SUPT3H: variants seen among roughly 807,000 people sequenced by gnomAD.
The protein encoded by SUPT3H is SPT3 homolog, SAGA and STAGA complex component, also known as transcription initiation protein SPT3 homolog.
In SUPT3H, 44 loss-of-function variants were observed where a neutral mutation model predicts 44.3. The observed-to-expected ratio is 0.99, with a 90% confidence interval of 0.78 to 1.28. SUPT3H has a LOEUF of 1.28. Ranked by LOEUF, SUPT3H falls within the 50% of genes most tolerant of loss-of-function variation. The pLI, the probability that SUPT3H is intolerant of heterozygous loss-of-function variation, is 0.00. For missense variants in SUPT3H, 380 were observed against 387.1 expected (o/e 0.98, Z 0.15); for synonymous variants, 124 against 125.6 (o/e 0.99, Z 0.09).
chr6:44,931,341 C>T (rs867126134), intron 10 of SUPT3H, among the ~76,000 whole-genome samples: 17 of 152,024 alleles, frequency 1.1e-4, no homozygotes, highest in Middle Eastern at 3.4e-3. Context: ...TGACTGTTTT[C>T]GATGGATTTG....
At chr6:45,297,758 T>C (rs1343474696) in intron 2 of SUPT3H, among the ~76,000 whole-genome samples, 1 of 152,178 alleles carries the variant, frequency 6.6e-6, no homozygotes, top group Non-Finnish European at 1.5e-5. Flanking sequence ...AAAATTTTAA[T>C]ACTTTAGGCT....
intron 10 of SUPT3H, among the ~76,000 whole-genome samples, chr6:44,876,836 G>GAAAAAAAAAAAAAAAAAA (rs200454659): frequency 1.1e-5 from 1 of 92,244 alleles, no homozygotes; most frequent in Admixed American, 1.1e-4. Flanking sequence ...ATCTTCAATT[G>GAAAAAAAAAAAAAAAAAA]AAAAAAAAAA....
At chr6:44,811,390 C>T (rs1766510832) in intron 11 of SUPT3H, among the ~76,000 whole-genome samples, 1 of 152,168 alleles carries the variant, frequency 6.6e-6, no homozygotes, top group Non-Finnish European at 1.5e-5. Flanking sequence ...TTGCTGTTGA[C>T]TTTATTTGGA....
chr6:44,969,632 C>T lies in SUPT3H; in HGVS notation c.505-7804G>A, dbSNP rs187063111. Among the ~76,000 whole-genome samples, 17 of 152,224 alleles carry T rather than the reference C, an allele frequency of 1.1e-4. No homozygotes were observed. The East Asian group carries it at 1.7e-3, about 16-fold the overall frequency. On this transcript the variant is annotated intron_variant, in intron 6 of 10. Transcript: ENST00000371459. Reference sequence around the variant, plus strand: ...CAAAAAACAAAAACACACATACGCACACAAAGGAGAACGTCATGCAATATT... The same window carrying T: ...CAAAAAACAAAAACACACATACGCATACAAAGGAGAACGTCATGCAATATT...
chr6:45,314,522 A>G (rs896262863), intron 2 of SUPT3H, among the ~76,000 whole-genome samples: 2 of 152,074 alleles, frequency 1.3e-5, no homozygotes, highest in Non-Finnish European at 2.9e-5. Context: ...GAAATCAATA[A>G]CTCAATCCCT....
intron 2 of SUPT3H, among the ~76,000 whole-genome samples, chr6:45,311,774 A>AT (rs1783995174): frequency 1.3e-5 from 2 of 152,218 alleles, no homozygotes; most frequent in Admixed American, 6.5e-5. Context: ...AGAATTCACC[A>AT]TTACCAAGCA....
intron 2 of SUPT3H, among the ~76,000 whole-genome samples, chr6:45,323,124 G>A (rs1785780814): frequency 1.3e-5 from 2 of 152,050 alleles, no homozygotes; most frequent in South Asian, 2.1e-4. Context: ...TGCTCAGAGG[G>A]GAATCCTTCA....
intron 2 of SUPT3H, among the ~76,000 whole-genome samples, chr6:45,331,471 T>A (rs567137327): frequency 6.6e-6 from 1 of 152,024 alleles, no homozygotes; most frequent in Non-Finnish European, 1.5e-5. Flanking sequence ...AGCTTCTTTT[T>A]AAAATACAGA....
chr6:45,085,250 G>A (rs1291276507), intron 3 of SUPT3H, among the ~76,000 whole-genome samples: 1 of 151,968 alleles, frequency 6.6e-6, no homozygotes, highest in East Asian at 1.9e-4. Flanking sequence ...TCCCAACACA[G>A]GTTTAAATAT....
At chr6:44,965,961 G>GT (rs1312210003) in intron 6 of SUPT3H, among the ~76,000 whole-genome samples, 1 of 152,144 alleles carries the variant, frequency 6.6e-6, no homozygotes, top group African/African-American at 2.4e-5. Flanking sequence ...AAAGAAATGC[G>GT]TTTAAGTACG....
rs1262652218 is a variant in SUPT3H at position 44,827,888 on chromosome 6, T to G, written c.*1928A>C. Among the ~76,000 whole-genome samples the G allele has an allele frequency of 6.6e-6, 1 of 152,086 alleles. No individual in the cohort carries two copies. Among genetic ancestry groups the G allele is most frequent in the East Asian group, 1.9e-4 (1 of 5,192 alleles). On this transcript the variant is annotated 3_prime_UTR_variant, in exon 11 of 11. Coordinates refer to ENST00000371459, the MANE Select transcript of SUPT3H (RefSeq NM_003599.4). ...GGGCAAAACCAGATTTTATAAATAATTACCTGTCAGACTGTTCAAGATAGA... is the reference window on the plus strand; with the variant it reads ...GGGCAAAACCAGATTTTATAAATAAGTACCTGTCAGACTGTTCAAGATAGA...
At chr6:45,164,557 C>T (rs1171023882) in intron 2 of SUPT3H, among the ~76,000 whole-genome samples, 1 of 152,116 alleles carries the variant, frequency 6.6e-6, no homozygotes, top group African/African-American at 2.4e-5. Flanking sequence ...GTCTGCCTCA[C>T]TGATGACTCA....
chr6:44,953,310 C>A lies in SUPT3H; in HGVS notation c.801G>T (p.Glu267Asp). ...ATFIQYHNSAESTAACGVEAH... is the reference protein window; with the variant it reads ...ATFIQYHNSADSTAACGVEAH... The stretch of plus-strand genomic sequence containing the variant: ...TAAGACAGATTTTTTTTGTACTTAC[C>A]TCAGCAGAGTTGTGATACTGAATGA... Residue 267 changes from glutamate (E) to aspartate (D), a missense_variant and splice_region_variant, in exon 9 of 11, where the codon GAG becomes GAT. By Grantham distance (45) the Glu-to-Asp change is conservative. Coordinates refer to ENST00000371459, the MANE Select transcript of SUPT3H (RefSeq NM_003599.4). 1 of 1,613,032 alleles carries A rather than the reference C, an allele frequency of 6.2e-7. No individual in the cohort carries two copies. The highest frequency in any genetic ancestry group is 8.5e-7 in the Non-Finnish European group (1 of 1,179,280).
intron 3 of SUPT3H, among the ~76,000 whole-genome samples, chr6:45,024,809 A>G (rs1231811048): frequency 1.3e-5 from 2 of 152,218 alleles, no homozygotes; most frequent in Non-Finnish European, 2.9e-5. Flanking sequence ...CCATCCAATC[A>G]GTTGAAGACA....
At chr6:44,857,461 A>G (rs546445036) in intron 10 of SUPT3H, among the ~76,000 whole-genome samples, 1 of 152,210 alleles carries the variant, frequency 6.6e-6, no homozygotes, top group Non-Finnish European at 1.5e-5. Context: ...ATCCATATCA[A>G]TTGGATTGAT....
At chr6:45,008,540 A>C (rs1783031276) in intron 5 of SUPT3H, among the ~76,000 whole-genome samples, 1 of 151,456 alleles carries the variant, frequency 6.6e-6, no homozygotes, top group South Asian at 2.1e-4. Context: ...TTTTTTCTAG[A>C]GATGGGGTCT....
chr6:45,063,161 C>T (rs1181459959), intron 3 of SUPT3H, among the ~76,000 whole-genome samples: 1 of 145,766 alleles, frequency 6.9e-6, no homozygotes, highest in African/African-American at 2.6e-5. Flanking sequence ...CCCCTGACCC[C>T]CGAGCAGCCT....
chr6:45,108,494 A>C (rs892307119), intron 2 of SUPT3H, among the ~76,000 whole-genome samples: 1 of 152,146 alleles, frequency 6.6e-6, no homozygotes, highest in African/African-American at 2.4e-5. Flanking sequence ...TTTTCTAGAG[A>C]ACTTTGACTA....
At chr6:44,885,449 G>C (rs189195581) in intron 10 of SUPT3H, among the ~76,000 whole-genome samples, 3 of 152,054 alleles carry the variant, frequency 2.0e-5, no homozygotes, top group African/African-American at 4.8e-5. Flanking sequence ...AGCAGCATTC[G>C]CGGTTCACAA....
Sources: allele counts gnomAD v4.1 joint callset (sites outside exome capture counted in the v4.1 genomes callset), GRCh38; gene constraint gnomAD v4.1.1; transcripts MANE v1.5; gene names NCBI Gene and HGNC (gene_info 2026-07-23, HGNC 2026-07-21).